AMELY: variants seen among roughly 807,000 people sequenced by gnomAD.
AMELY encodes the protein amelogenin Y-linked.
A neutral mutation model predicts 4.2 loss-of-function variants in AMELY; 4 were observed. That is an observed-to-expected ratio of 0.96 (90% CI 0.47 to 2.19). The LOEUF (loss-of-function observed/expected upper bound fraction) is 2.19, where lower values mean the gene tolerates loss of function less well. AMELY is among the 30% of genes most tolerant of loss of function. The pLI is 0.02. For missense variants in AMELY, 32 were observed against 41.5 expected, an observed-to-expected ratio of 0.77 and a Z score of 0.63; for synonymous variants, 11 against 14.7, an observed-to-expected ratio of 0.75 and a Z score of 0.57.
intron 1 of AMELY, among the ~76,000 whole-genome samples, chrY:6,884,161 G>A (rs2124082596): frequency 3.2e-5 from 1 of 30,974 alleles, no homozygotes; most frequent in Non-Finnish European, 7.7e-5. Context: ...GGAAACCATC[G>A]TCTGCAAACT....
In AMELY at chrY:6,868,771, G is replaced by T. The variant is rs34820858; in HGVS notation, c.108C>A (p.Leu36=). The change falls in exon 5 of 7, where the codon CTC becomes CTA. Residue 36 remains leucine, a synonymous_variant. Coordinates refer to ENST00000651267, the MANE Select transcript of AMELY (RefSeq NM_001143.2). ...PGYINFSYEV[L]TPLKWYQSMI... The stretch of plus-strand genomic sequence containing the variant: ...TGCTCTGGTACCACTTCAAAGGGGT[G>T]AGCACCTTAAGAGAAAGATATATTA... 1 of 392,625 alleles carries T rather than the reference G, an allele frequency of 2.5e-6. No homozygotes were observed.
In AMELY at chrY:6,874,823, G is replaced by A. The variant is rs775543351; in HGVS notation, c.-112-752C>T. 7.1e-4 allele frequency among the ~76,000 whole-genome samples: 24 copies of A among 33,705 alleles called. No homozygotes were observed. In the South Asian group the frequency reaches 0.016, roughly 22 times the overall value. The allele number at this position is 33,705 out of a possible 37,273, so 90.4% of individuals were successfully genotyped here. A position where few individuals can be genotyped will look rare whatever the true frequency, so the allele number is the denominator to read the frequency against. ...AAGCAAAAACAAGAAAAGTCTGTCC[G>A]TCTCTGAGGACTGTGATCTATTAAA... is the stretch of plus-strand genomic sequence containing the variant. On this transcript the variant is annotated intron_variant, in intron 1 of 6. Transcript: ENST00000651267.
At chrY:6,904,552 CTCT>C (rs2011657775) in intron 1 of AMELY, among the ~76,000 whole-genome samples, 2 of 33,687 alleles carry the variant, frequency 5.9e-5, no homozygotes, top group African/African-American at 2.3e-4. Flanking sequence ...CCAGGCCATA[CTCT>C]TCTTTTCCTC....
chrY:6,905,022 A>G, intron 1 of AMELY, among the ~76,000 whole-genome samples: 2 of 33,519 alleles, frequency 6.0e-5, no homozygotes, highest in Non-Finnish European at 1.5e-4. Context: ...TGAAACCTTA[A>G]TCACCATTGG....
At chrY:6,873,183 TCAGG>T (rs2054069759) in intron 2 of AMELY, among the ~76,000 whole-genome samples, 1 of 33,108 alleles carries the variant, frequency 3.0e-5, no homozygotes, top group Non-Finnish European at 7.5e-5. Context: ...TTATAGAGCT[TCAGG>T]CAGGTAAAAT....
intron 1 of AMELY, among the ~76,000 whole-genome samples, chrY:6,882,995 T>C: frequency 6.0e-5 from 2 of 33,463 alleles, no homozygotes; most frequent in African/African-American, 2.3e-4. Flanking sequence ...ACACTGTTGG[T>C]GGGAATGTAA....
chrY:6,868,703 A>G (rs1182898793), intron 5 of AMELY, 29 bp downstream of exon 5: 2 of 381,628 alleles, frequency 5.2e-6, no homozygotes, highest in Admixed American at 7.4e-5. Context: ...TAATATTTTC[A>G]GGGAATAAAG....
At chrY:6,908,665 C>G (rs779039662) in intron 1 of AMELY, among the ~76,000 whole-genome samples, 9 of 32,348 alleles carry the variant, frequency 2.8e-4, no homozygotes. Flanking sequence ...AATGCACTAG[C>G]TCCTTCCAAC....
intron 1 of AMELY, among the ~76,000 whole-genome samples, chrY:6,878,484 C>G (rs760987238): frequency 3.0e-5 from 1 of 32,976 alleles, no homozygotes; most frequent in Non-Finnish European, 7.5e-5. Flanking sequence ...TTATCTTGTC[C>G]GGGATCCTAT....
chrY:6,895,986 G>A (rs777122221), intron 1 of AMELY, among the ~76,000 whole-genome samples: 1 of 33,237 alleles, frequency 3.0e-5, no homozygotes, highest in East Asian at 7.9e-4. Context: ...CTTCTAAGTT[G>A]CATTCCTAGG....
At chrY:6,872,759 T>C (rs2124081108) in intron 2 of AMELY, 139 bp from the exon 3 acceptor site, 4 of 143,390 alleles carry the variant, frequency 2.8e-5, no homozygotes, top group East Asian at 2.5e-4. Flanking sequence ...TCTTATTTGA[T>C]TTCAAGTTCT....
intron 1 of AMELY, among the ~76,000 whole-genome samples, chrY:6,903,939 C>A: frequency 3.0e-5 from 1 of 33,693 alleles, no homozygotes; most frequent in Non-Finnish European, 7.3e-5. Flanking sequence ...ATTAAGGGCT[C>A]AGTGATGGTC....
chrY:6,882,759 AC>A (rs2054075796), intron 1 of AMELY, among the ~76,000 whole-genome samples: 2 of 33,244 alleles, frequency 6.0e-5, no homozygotes, highest in Non-Finnish European at 1.5e-4. Context: ...AGAAAAAAAA[AC>A]AACCCCATGA....
intron 1 of AMELY, among the ~76,000 whole-genome samples, chrY:6,883,095 G>T: frequency 2.1e-4 from 7 of 33,275 alleles, no homozygotes; most frequent in African/African-American, 8.2e-4. Flanking sequence ...CCACTACTGG[G>T]AATACACCCA....
chrY:6,910,970 T>G, intron 1 of AMELY: 1 of 37,228 alleles, frequency 2.7e-5, no homozygotes, highest in African/African-American at 1.1e-4. Flanking sequence ...ACAGTTGCGC[T>G]GCTAGCGACG....
chrY:6,911,540 G>T, intron 1 of AMELY, among the ~76,000 whole-genome samples, 133 bp downstream of exon 1: 1 of 34,455 alleles, frequency 2.9e-5, no homozygotes, highest in Non-Finnish European at 7.3e-5. Context: ...TCGCAAAACC[G>T]TCAAGGAATT....
Position 6,872,552 on chromosome Y carries a change from C to T in AMELY, c.54+3G>A, listed in dbSNP as rs1412721505. ...CAACTTATGCAAAGAATGTTTTACTCACAGGCATGGCAAAAGCTGCTCCCA... is the reference window on the plus strand; with the variant it reads ...CAACTTATGCAAAGAATGTTTTACTTACAGGCATGGCAAAAGCTGCTCCCA... On this transcript the variant is annotated splice_donor_region_variant and intron_variant, in intron 3 of 6. Coordinates refer to ENST00000651267, the MANE Select transcript of AMELY (RefSeq NM_001143.2). The T allele has an allele frequency of 5.1e-6, 2 of 395,587 alleles. No homozygotes were observed. The highest frequency in any genetic ancestry group is 1.5e-4 in the Admixed American group (2 of 13,355).
At chrY:6,888,954 C>T in intron 1 of AMELY, among the ~76,000 whole-genome samples, 1 of 28,480 alleles carries the variant, frequency 3.5e-5, no homozygotes, top group African/African-American at 1.4e-4. Context: ...TCTGTAATCC[C>T]AGCACTTTGG....
At chrY:6,885,348 A>ATG (rs2054079076) in intron 1 of AMELY, among the ~76,000 whole-genome samples, 2 of 33,701 alleles carry the variant, frequency 5.9e-5, no homozygotes, top group African/African-American at 2.3e-4. Flanking sequence ...GGTGGTGGAC[A>ATG]CCTGTAGTCC....
Sources: allele counts gnomAD v4.1 joint callset (sites outside exome capture counted in the v4.1 genomes callset), GRCh38; gene constraint gnomAD v4.1.1; transcripts MANE v1.5; gene names NCBI Gene and HGNC (gene_info 2026-07-23, HGNC 2026-07-21).